Variants in MRS2 observed in about 807,000 individuals in gnomAD.
MRS2 encodes the protein magnesium transporter MRS2.
MRS2 carries 40 observed loss-of-function variants against 52.6 expected under a neutral mutation model. The observed-to-expected ratio is 0.76, with a 90% CI of 0.59 to 0.99. MRS2 has a LOEUF of 0.99. MRS2 is among the 50% of genes least tolerant of loss of function. The probability of loss-of-function intolerance (pLI) is 0.00; values close to 1 mark genes in which losing one functional copy is unlikely to be tolerated. For missense variants in MRS2, 472 were observed against 532.7 expected (o/e 0.89, Z 1.12); for synonymous variants, 193 against 195.9 (o/e 0.98, Z 0.13).
intron 2 of MRS2, among the ~76,000 whole-genome samples, chr6:24,407,815 G>A (rs1159532026): frequency 6.6e-6 from 1 of 152,146 alleles, no homozygotes; most frequent in African/African-American, 2.4e-5. Flanking sequence ...AGAAGTCTTT[G>A]CAGCCATCCA....
intron 4 of MRS2, chr6:24,410,841 TC>T: frequency 9.4e-7 from 1 of 1,061,106 alleles, no homozygotes; most frequent in East Asian, 2.6e-5. Context: ...AATTGTGTAA[TC>T]TAACTGGTGG....
At chr6:24,408,355 G>A in intron 2 of MRS2, 53 bp from the exon 3 acceptor site, 1 of 1,159,600 alleles carries the variant, frequency 8.6e-7, no homozygotes, top group Non-Finnish European at 1.3e-6. Context: ...AATACCATAA[G>A]TAGCATTCTA....
chr6:24,408,189 A>G (rs1761536889), intron 2 of MRS2, among the ~76,000 whole-genome samples: 1 of 152,174 alleles, frequency 6.6e-6, no homozygotes. Flanking sequence ...AGTTAAACCC[A>G]GGTCTGATTT....
intron 9 of MRS2, among the ~76,000 whole-genome samples, chr6:24,422,634 T>C (rs575433252): frequency 4.6e-5 from 7 of 152,340 alleles, no homozygotes; most frequent in African/African-American, 1.7e-4. Flanking sequence ...TTAAATTGCG[T>C]GTCCTCTGGC....
intron 2 of MRS2, among the ~76,000 whole-genome samples, chr6:24,406,829 G>A (rs1761491574): frequency 6.6e-6 from 1 of 152,168 alleles, no homozygotes; most frequent in African/African-American, 2.4e-5. Flanking sequence ...CTTTGCAGGT[G>A]AAATAATTGC....
chr6:24,403,127 G>C lies in MRS2; in HGVS notation c.81G>C (p.Leu27Phe). ...LPRRTLCALA[L>F]DVTSVGPPVA... Reference sequence around the variant, plus strand: ...GGCGGACGCTGTGTGCCCTGGCCTTGGACGTGACCTCTGTGGGTCCTCCCG... The same window carrying C: ...GGCGGACGCTGTGTGCCCTGGCCTTCGACGTGACCTCTGTGGGTCCTCCCG... The change falls in exon 1 of 11, where the codon TTG becomes TTC. Residue 27 changes from leucine to phenylalanine, a missense_variant. Leu to Phe is a conservative substitution (Grantham distance 22). Coordinates refer to ENST00000378386, the MANE Select transcript of MRS2 (RefSeq NM_020662.4). 6.2e-7 allele frequency: 1 copy of C among 1,612,080 alleles called. No individual in the cohort carries two copies. The highest frequency in any genetic ancestry group is 8.5e-7 in the Non-Finnish European group (1 of 1,179,890).
intron 4 of MRS2, chr6:24,410,929 C>T (rs1412189002): frequency 4.0e-5 from 20 of 505,000 alleles, no homozygotes; most frequent in Non-Finnish European, 2.4e-5. Flanking sequence ...TGGCTCACAT[C>T]TGTAATCCCA....
intron 2 of MRS2, 48 bp from the exon 3 acceptor site, chr6:24,408,360 A>G (rs1761542517): frequency 4.9e-6 from 6 of 1,214,708 alleles, no homozygotes; most frequent in Non-Finnish European, 7.3e-6. Flanking sequence ...CATAAGTAGC[A>G]TTCTAATTTG....
At position 24,425,405 on chromosome 6, in the gene MRS2, AAG is replaced by A. The variant is rs1561819245; in HGVS notation, c.*1712_*1713del. 6.6e-6 allele frequency: 1 copy of A among 152,364 alleles called. No individual in the cohort carries two copies. The highest frequency in any genetic ancestry group is 1.5e-5 in the Non-Finnish European group (1 of 68,028). The allele number at this position is 152,364 out of a possible 1,614,324, so 9.4% of individuals were successfully genotyped here. A position where few individuals can be genotyped will look rare whatever the true frequency, so the allele number is the denominator to read the frequency against. On this transcript the variant is annotated 3_prime_UTR_variant, in exon 11 of 11. Coordinates refer to ENST00000378386, the MANE Select transcript of MRS2 (RefSeq NM_020662.4). ...ATTTTTTGATGAATCATGTCAATAA[AAG>A]GAAAAATAATGTAACTACCTCATAA...
At chr6:24,405,907 C>A (rs555296362) in intron 2 of MRS2, among the ~76,000 whole-genome samples, 1 of 151,422 alleles carries the variant, frequency 6.6e-6, no homozygotes, top group South Asian at 2.1e-4. Context: ...AGATTGAGAC[C>A]ATCCTGGCTA....
At chr6:24,421,456 A>G (rs1401348911) in intron 9 of MRS2, among the ~76,000 whole-genome samples, 1 of 118,622 alleles carries the variant, frequency 8.4e-6, no homozygotes, top group Non-Finnish European at 2.0e-5. Context: ...TTATTTCGAT[A>G]TAGTTAAAAT....
intron 9 of MRS2, 49 bp from the exon 10 acceptor site, chr6:24,422,888 C>G (rs1229350473): frequency 7.8e-7 from 1 of 1,289,596 alleles, no homozygotes; most frequent in Admixed American, 1.8e-5. Context: ...AAGGAATCTT[C>G]TAAGGAACCT....
At chr6:24,409,089 TACTG>T (rs1160233018) in intron 3 of MRS2, among the ~76,000 whole-genome samples, 1 of 152,206 alleles carries the variant, frequency 6.6e-6, no homozygotes, top group Non-Finnish European at 1.5e-5. Context: ...ATATATAAAA[TACTG>T]AAGATGATGT....
rs200343429 is a variant in MRS2, at chr6:24,422,758, GTTC to G, written c.1108-174_1108-172del. 3.4e-3 allele frequency among the ~76,000 whole-genome samples: 524 copies of G among 152,278 alleles called. 4 individuals are homozygous for G. The highest frequency in any genetic ancestry group is 0.011 in the African/African-American group (454 of 41,560). On this transcript the variant is annotated intron_variant, in intron 9 of 10. Transcript: ENST00000378386. Reference sequence around the variant, plus strand: ...AAATATTTAAAACCTTTTAAATCATGTTCTTCTCCTGCTTTATTCTGTGGGTGC... The same window carrying G: ...AAATATTTAAAACCTTTTAAATCATGTTCTCCTGCTTTATTCTGTGGGTGC...
In MRS2 at chr6:24,405,303, G is replaced by C. The variant is rs971123936; in HGVS notation, c.264+62G>C. On this transcript the variant is annotated intron_variant, in intron 2 of 10. Coordinates refer to ENST00000378386, the MANE Select transcript of MRS2 (RefSeq NM_020662.4). ...GTGCTTCCCATACATAAGTTAACTC[G>C]TTGGACTGTTGGCCAAGATACTACT... 2.5e-6 allele frequency: 3 copies of C among 1,188,118 alleles called. No homozygotes were observed. The African/African-American group carries it at 4.5e-5, about 18-fold the overall frequency. 73.6% of individuals were successfully genotyped at this position (1,188,118 alleles called of 1,614,324 possible). A position where few individuals can be genotyped will look rare whatever the true frequency, so the allele number is the denominator to read the frequency against.
chr6:24,425,602 G>T lies in MRS2; in HGVS notation c.*1908G>T, dbSNP rs965706506. Reference sequence around the variant, plus strand: ...ATGCCAAAAATATATGAAGTTCCTTGGTTTTAAATTTTGAACTAAAATGGA... The same window carrying T: ...ATGCCAAAAATATATGAAGTTCCTTTGTTTTAAATTTTGAACTAAAATGGA... On this transcript the variant is annotated 3_prime_UTR_variant, in exon 11 of 11. Transcript: ENST00000378386. 4 of 152,144 alleles carry T rather than the reference G, an allele frequency of 2.6e-5. No individual in the cohort carries two copies. The highest frequency in any genetic ancestry group is 9.7e-5 in the African/African-American group (4 of 41,436). The allele number at this position is 152,144 out of a possible 1,614,324, so 9.4% of individuals were successfully genotyped here. A position where few individuals can be genotyped will look rare whatever the true frequency, so the allele number is the denominator to read the frequency against.
At chr6:24,412,474 T>C in intron 5 of MRS2, 79 bp downstream of exon 5, 2 of 1,181,272 alleles carry the variant, frequency 1.7e-6, no homozygotes, top group Non-Finnish European at 2.4e-6. Flanking sequence ...GTTGGGGTAT[T>C]GTTTCAATGG....
At chr6:24,409,132 T>C (rs1761569121) in intron 3 of MRS2, among the ~76,000 whole-genome samples, 1 of 152,174 alleles carries the variant, frequency 6.6e-6, no homozygotes, top group Non-Finnish European at 1.5e-5. Flanking sequence ...TATAGTTGTG[T>C]ACAGTTTATA....
At chr6:24,418,353 AT>A (rs1279005801) in intron 8 of MRS2, 107 bp from the exon 9 acceptor site, 5 of 1,353,646 alleles carry the variant, frequency 3.7e-6, no homozygotes, top group East Asian at 3.0e-5. Context: ...CATTATTATT[AT>A]TTTTTTTGTT....
Sources: allele counts gnomAD v4.1 joint callset (sites outside exome capture counted in the v4.1 genomes callset), GRCh38; gene constraint gnomAD v4.1.1; transcripts MANE v1.5; gene names NCBI Gene and HGNC (gene_info 2026-07-23, HGNC 2026-07-21).